DPP6: variants seen among roughly 807,000 people sequenced by gnomAD.
The protein encoded by DPP6 is A-type potassium channel modulatory protein DPP6.
DPP6 carries 69 observed loss-of-function variants against 122.6 expected under a neutral mutation model. The ratio of observed to expected loss-of-function variants is 0.56; its 90% CI spans 0.46 to 0.69. The LOEUF (loss-of-function observed/expected upper bound fraction) is 0.69. Among genes scored for constraint, DPP6 ranks in the 30% least tolerant of loss-of-function variants. The pLI is 0.00. For missense variants in DPP6, 928 were observed against 1,116.9 expected (o/e 0.83, Z 2.41); for synonymous variants, 418 against 433.1 (o/e 0.97, Z 0.43).
intron 10 of DPP6, among the ~76,000 whole-genome samples, chr7:154,786,344 G>A (rs2150412147): frequency 6.6e-6 from 1 of 152,248 alleles, no homozygotes; most frequent in East Asian, 1.9e-4. Flanking sequence ...CCTCATGTTG[G>A]TCTGTGATAT....
chr7:153,759,868 T>C, the DPP6 span, among the ~76,000 whole-genome samples: 39 of 152,170 alleles, frequency 2.6e-4, 1 homozygote, highest in Non-Finnish European at 4.4e-5. Flanking sequence ...GGGGGCACTA[T>C]TTCTGCAAAT....
chr7:153,857,864 A>G, the DPP6 span, among the ~76,000 whole-genome samples: 1 of 152,208 alleles, frequency 6.6e-6, no homozygotes, highest in Non-Finnish European at 1.5e-5. Context: ...TTATTTGGAT[A>G]TGATCAGGGT....
the DPP6 span, among the ~76,000 whole-genome samples, chr7:153,808,199 G>A: frequency 7.7e-6 from 1 of 130,138 alleles, no homozygotes; most frequent in Admixed American, 7.1e-5. Context: ...GTGTGTGTGT[G>A]CCTGAGTGTG....
At chr7:154,678,317 C>T (rs901462989) in intron 7 of DPP6, among the ~76,000 whole-genome samples, 2 of 152,212 alleles carry the variant, frequency 1.3e-5, no homozygotes, top group Admixed American at 6.5e-5. Flanking sequence ...TGCTGCTGCT[C>T]GCTCTCTGGG....
rs550144427 is a variant in DPP6, at chr7:154,499,962, A to G, written c.457+24925A>G. On this transcript the variant is annotated intron_variant, in intron 3 of 25. Coordinates refer to ENST00000377770, the MANE Select transcript of DPP6 (RefSeq NM_130797.4). ...GCACATGGGGTGACATCCAGAGGAAACCAGGCACAAACATCTAAGGGCCCT... is the reference window on the plus strand; with the variant it reads ...GCACATGGGGTGACATCCAGAGGAAGCCAGGCACAAACATCTAAGGGCCCT... 2.0e-5 allele frequency among the ~76,000 whole-genome samples: 3 copies of G among 152,276 alleles called. No homozygotes were observed. In the East Asian group the frequency reaches 5.8e-4, roughly 29 times the overall value.
intron 1 of DPP6, among the ~76,000 whole-genome samples, chr7:153,953,448 A>G (rs1042471123): frequency 6.6e-6 from 1 of 152,156 alleles, no homozygotes; most frequent in South Asian, 2.1e-4. Flanking sequence ...ACCAACCCTC[A>G]AAATTCCGTG....
intron 1 of DPP6, among the ~76,000 whole-genome samples, chr7:154,236,735 G>A (rs554822600): frequency 3.3e-5 from 5 of 152,250 alleles, no homozygotes; most frequent in South Asian, 4.1e-4. Flanking sequence ...TTTCCCTGAC[G>A]TCGGTATTGC....
the DPP6 span, among the ~76,000 whole-genome samples, chr7:153,775,099 G>C: frequency 1.4e-5 from 2 of 147,854 alleles, no homozygotes; most frequent in Non-Finnish European, 3.0e-5. Context: ...AAGATTAAAA[G>C]AGAACTAAAA....
At position 154,880,953 on chromosome 7, in the gene DPP6, G is replaced by A. The variant is rs745848164; in HGVS notation, c.2133+11G>A. 4.9e-5 allele frequency: 79 copies of A among 1,613,666 alleles called. No individual in the cohort carries two copies. Among genetic ancestry groups the A allele is most frequent in the Middle Eastern group, 1.6e-4 (1 of 6,084 alleles). On this transcript the variant is annotated intron_variant, in intron 21 of 25. Transcript: ENST00000377770. ...GCCGTGTTTGGGAAGGTGAGTCTGCGCCACCCTGGTCTGAAAACCCCTCAG... is the reference window on the plus strand; with the variant it reads ...GCCGTGTTTGGGAAGGTGAGTCTGCACCACCCTGGTCTGAAAACCCCTCAG...
intron 1 of DPP6, among the ~76,000 whole-genome samples, chr7:154,377,801 G>A (rs1441421805): frequency 6.6e-6 from 1 of 152,166 alleles, no homozygotes; most frequent in Non-Finnish European, 1.5e-5. Flanking sequence ...CTTCATAGCA[G>A]TATGAAAATG....
chr7:153,774,864 C>T, the DPP6 span, among the ~76,000 whole-genome samples: 1 of 151,974 alleles, frequency 6.6e-6, no homozygotes, highest in African/African-American at 2.4e-5. Context: ...ACTTAGGATC[C>T]CTTGAGCCCA....
intron 8 of DPP6, among the ~76,000 whole-genome samples, chr7:154,764,006 C>G (rs1795742496): frequency 6.6e-6 from 1 of 150,858 alleles, no homozygotes; most frequent in Non-Finnish European, 1.5e-5. Flanking sequence ...TGCCCCACCT[C>G]CATCTGCACC....
At chr7:153,930,628 T>G (rs1801129192) in intron 1 of DPP6, among the ~76,000 whole-genome samples, 1 of 151,924 alleles carries the variant, frequency 6.6e-6, no homozygotes, top group East Asian at 1.9e-4. Context: ...TCTGAGAGAG[T>G]AGACTTTGTG....
chr7:154,749,644 A>G (rs192508440), intron 8 of DPP6, among the ~76,000 whole-genome samples: 6 of 112,440 alleles, frequency 5.3e-5, no homozygotes, highest in South Asian at 8.3e-4. Context: ...TAGGACGGGA[A>G]AGAGAGGGAT....
chr7:154,575,388 G>T (rs1586662819), intron 5 of DPP6, among the ~76,000 whole-genome samples: 193 of 114,716 alleles, frequency 1.7e-3, no homozygotes, highest in East Asian at 3.8e-3. Flanking sequence ...TGTGTGATGT[G>T]TGTGTAGTGT....
intron 1 of DPP6, among the ~76,000 whole-genome samples, chr7:153,956,775 C>T (rs756314464): frequency 6.6e-6 from 1 of 152,204 alleles, no homozygotes; most frequent in Admixed American, 6.5e-5. Flanking sequence ...CCTCAGCACA[C>T]AGTGCAACAT....
At chr7:154,033,523 A>G (rs964404399) in intron 1 of DPP6, among the ~76,000 whole-genome samples, 11 of 152,230 alleles carry the variant, frequency 7.2e-5, no homozygotes, top group African/African-American at 2.7e-4. Context: ...AACCTGGTCA[A>G]GGAATGTTCA....
At chr7:153,856,012 T>C in the DPP6 span, among the ~76,000 whole-genome samples, 1 of 152,144 alleles carries the variant, frequency 6.6e-6, no homozygotes, top group Non-Finnish European at 1.5e-5. Context: ...GTCCCCCAAG[T>C]CAAAGGCTTT....
chr7:154,874,989 A>G (rs977275646), intron 19 of DPP6, among the ~76,000 whole-genome samples: 4 of 152,190 alleles, frequency 2.6e-5, no homozygotes, highest in African/African-American at 7.2e-5. Flanking sequence ...GGTCTCAGCT[A>G]TTTGGAAGGC....
Sources: allele counts gnomAD v4.1 joint callset (sites outside exome capture counted in the v4.1 genomes callset), GRCh38; gene constraint gnomAD v4.1.1; transcripts MANE v1.5; gene names NCBI Gene and HGNC (gene_info 2026-07-23, HGNC 2026-07-21).